The following ARHGEF3 variants were observed in gnomAD, a reference collection of about 807,000 sequenced individuals.
ARHGEF3 encodes 59.8 kDA protein.
Under a neutral mutation model 63.2 loss-of-function variants are expected in ARHGEF3, and 28 were observed. The observed-to-expected ratio is 0.44, with a 90% confidence interval of 0.33 to 0.61. The LOEUF (loss-of-function observed/expected upper bound fraction) is 0.61, where lower values mean the gene tolerates loss of function less well. Among genes scored for constraint, ARHGEF3 ranks in the 20% least tolerant of loss-of-function variants. The pLI, the probability that ARHGEF3 is intolerant of heterozygous loss-of-function variation, is 0.03. For missense variants in ARHGEF3, 533 were observed against 659.3 expected (o/e 0.81, Z 2.10); for synonymous variants, 266 against 254.2 (o/e 1.05, Z -0.44).
At chr3:56,924,167 G>A (rs1297354553) in intron 3 of ARHGEF3, among the ~76,000 whole-genome samples, 1 of 152,152 alleles carries the variant, frequency 6.6e-6, no homozygotes, top group Admixed American at 6.6e-5. Flanking sequence ...TGATAAACAG[G>A]GGAGAAACAT....
chr3:56,842,485 C>A (rs528866486), intron 4 of ARHGEF3, among the ~76,000 whole-genome samples: 21 of 152,310 alleles, frequency 1.4e-4, no homozygotes, highest in African/African-American at 5.1e-4. Context: ...TGCTTCCCAG[C>A]TGAATTAATC....
At chr3:56,992,459 C>T (rs746259073) in intron 2 of ARHGEF3, among the ~76,000 whole-genome samples, 110 of 148,524 alleles carry the variant, frequency 7.4e-4, no homozygotes, top group Non-Finnish European at 1.3e-3. Context: ...TCAATCAGCC[C>T]CAGCTGTACC....
chr3:57,003,813 G>A (rs1479283538), intron 2 of ARHGEF3, among the ~76,000 whole-genome samples: 1 of 152,158 alleles, frequency 6.6e-6, no homozygotes, highest in Non-Finnish European at 1.5e-5. Flanking sequence ...AAGGAATGCA[G>A]GCTGCCTCTA....
chr3:56,841,254 G>C (rs557436166), intron 4 of ARHGEF3, among the ~76,000 whole-genome samples: 1 of 152,160 alleles, frequency 6.6e-6, no homozygotes, highest in Non-Finnish European at 1.5e-5. Flanking sequence ...GGCAGGAAAA[G>C]CTTGAGTCAA....
At chr3:57,048,863 A>G (rs905584122) in intron 1 of ARHGEF3, among the ~76,000 whole-genome samples, 1 of 152,212 alleles carries the variant, frequency 6.6e-6, no homozygotes, top group African/African-American at 2.4e-5. Context: ...ACCTGGCACC[A>G]AGAAAACCAA....
chr3:56,995,436 T>C (rs1560116282), intron 2 of ARHGEF3, among the ~76,000 whole-genome samples: 1 of 152,196 alleles, frequency 6.6e-6, no homozygotes, highest in Admixed American at 6.5e-5. Context: ...ACTTTGTTTA[T>C]ATGCCTTGCT....
At chr3:56,755,876 G>A (rs569122633) in intron 2 of ARHGEF3, among the ~76,000 whole-genome samples, 2 of 152,282 alleles carry the variant, frequency 1.3e-5, no homozygotes, top group South Asian at 4.1e-4. Flanking sequence ...AGGCAGGAAG[G>A]GAGCAAGCTT....
chr3:56,778,981 A>G (rs2036414870), intron 1 of ARHGEF3, among the ~76,000 whole-genome samples: 1 of 152,112 alleles, frequency 6.6e-6, no homozygotes, highest in Non-Finnish European at 1.5e-5. Flanking sequence ...TGTCCTGGTC[A>G]GTGGTCCTCA....
chr3:56,773,737 G>A lies in ARHGEF3; in HGVS notation c.176C>T (p.Pro59Leu), dbSNP rs1490070619. ...CAGGGTTTGACTGAAGCGCTTTAAT[G>A]GCGTGGCCTTCACGGGCGGGATGAG... ...ANLIPPVKAT[P>L]LKRFSQTLQR... The change falls in exon 2 of 10, where the codon CCA (proline) becomes CTA (leucine). Residue 59 changes from proline to leucine, a missense_variant. Transcript: ENST00000296315. 4.4e-6 allele frequency: 7 copies of A among 1,595,284 alleles called. No homozygotes were observed. Among genetic ancestry groups the A allele is most frequent in the Non-Finnish European group, 6.0e-6 (7 of 1,173,616 alleles).
At chr3:56,794,641 C>G (rs1419740044) in intron 1 of ARHGEF3, among the ~76,000 whole-genome samples, 1 of 152,040 alleles carries the variant, frequency 6.6e-6, no homozygotes, top group Non-Finnish European at 1.5e-5. Flanking sequence ...TTCCAGAACC[C>G]TCTCAGATAC....
chr3:56,999,217 A>G (rs1274239554), intron 2 of ARHGEF3, among the ~76,000 whole-genome samples: 1 of 151,996 alleles, frequency 6.6e-6, no homozygotes, highest in East Asian at 1.9e-4. Context: ...ATGCCCAGCT[A>G]ATTTTTATCT....
intron 3 of ARHGEF3, among the ~76,000 whole-genome samples, chr3:56,754,056 G>C (rs2034924066): frequency 6.6e-6 from 1 of 152,212 alleles, no homozygotes; most frequent in South Asian, 2.1e-4. Flanking sequence ...CCTTGAGGCT[G>C]AGATTGTAGG....
intron 3 of ARHGEF3, among the ~76,000 whole-genome samples, chr3:56,884,937 G>A (rs924504): frequency 0.64 from 96,641 of 152,074 alleles, 30,942 homozygotes; most frequent in East Asian, 0.84. Flanking sequence ...CATGGTTACA[G>A]CGTAACACTC....
At chr3:57,003,318 G>A (rs544747466) in intron 2 of ARHGEF3, among the ~76,000 whole-genome samples, 88 of 141,632 alleles carry the variant, frequency 6.2e-4, no homozygotes, top group Admixed American at 1.5e-3. Flanking sequence ...CAGGAGAATC[G>A]CTTGAACCCG....
intron 3 of ARHGEF3, among the ~76,000 whole-genome samples, chr3:56,910,204 G>A (rs2041819592): frequency 6.6e-6 from 1 of 152,150 alleles, no homozygotes; most frequent in Non-Finnish European, 1.5e-5. Flanking sequence ...TGGAGTTTCA[G>A]AAATTAGGTC....
intron 2 of ARHGEF3, among the ~76,000 whole-genome samples, chr3:56,985,326 C>T (rs796917978): frequency 4.9e-4 from 74 of 152,328 alleles, no homozygotes; most frequent in African/African-American, 1.7e-3. Context: ...TGGCCTCAGG[C>T]GATCTGCCCG....
intron 1 of ARHGEF3, among the ~76,000 whole-genome samples, chr3:57,068,821 A>AC (rs1705710873): frequency 1.3e-5 from 2 of 152,074 alleles, no homozygotes; most frequent in Non-Finnish European, 2.9e-5. Flanking sequence ...GTGCACACAC[A>AC]CGCACACACC....
chr3:56,752,060 T>C (rs574345291), intron 4 of ARHGEF3, among the ~76,000 whole-genome samples: 1 of 148,184 alleles, frequency 6.7e-6, no homozygotes, highest in Admixed American at 6.6e-5. Context: ...AAACTAAATC[T>C]ATGTTTAAAA....
At chr3:56,783,282 C>T (rs1310890542) in intron 1 of ARHGEF3, among the ~76,000 whole-genome samples, 1 of 152,162 alleles carries the variant, frequency 6.6e-6, no homozygotes. Flanking sequence ...AAGTCCAAAA[C>T]ACATGGTAGC....
Sources: allele counts gnomAD v4.1 joint callset (sites outside exome capture counted in the v4.1 genomes callset), GRCh38; gene constraint gnomAD v4.1.1; transcripts MANE v1.5; gene names NCBI Gene and HGNC (gene_info 2026-07-23, HGNC 2026-07-21).